The following BAIAP2 variants were observed in gnomAD, a reference collection of about 807,000 sequenced individuals.
The protein encoded by BAIAP2 is BAR/IMD domain-containing adapter protein 2.
In BAIAP2, 18 loss-of-function variants were observed where a neutral mutation model predicts 63.0. That is an observed-to-expected ratio of 0.29 (90% CI 0.20 to 0.42). The LOEUF is 0.42. Among genes scored for constraint, BAIAP2 ranks in the 10% least tolerant of loss-of-function variants. The pLI is 1.00. For missense variants in BAIAP2, 610 were observed against 734.3 expected (o/e 0.83, Z 1.96); for synonymous variants, 386 against 307.6 (o/e 1.25, Z -2.67).
intron 1 of BAIAP2, chr17:81,053,396 C>A: frequency 2.0e-6 from 1 of 489,030 alleles, no homozygotes. Flanking sequence ...TGCAAATGCG[C>A]TCCTTCAGCC....
At chr17:81,085,400 C>T in intron 4 of BAIAP2, 1 of 642,894 alleles carries the variant, frequency 1.6e-6, no homozygotes, top group Non-Finnish European at 2.9e-6. Context: ...GAGGGGATGG[C>T]CGTTTGTTTC....
chr17:81,114,390 C>T (rs1271493600), intron 13 of BAIAP2, among the ~76,000 whole-genome samples: 1 of 152,056 alleles, frequency 6.6e-6, no homozygotes, highest in Non-Finnish European at 1.5e-5. Context: ...AGGGCATGGG[C>T]AGACATCAGT....
intron 2 of BAIAP2, among the ~76,000 whole-genome samples, chr17:81,055,806 C>G (rs2049453801): frequency 6.6e-6 from 1 of 151,866 alleles, no homozygotes; most frequent in South Asian, 2.1e-4. Flanking sequence ...ACCTCGTGAT[C>G]CGCCCGCCTC....
At position 81,104,113 on chromosome 17, in the gene BAIAP2, G is replaced by A. The variant is rs1467258349; in HGVS notation, c.1066+5G>A. 6.2e-7 allele frequency: 1 copy of A among 1,612,964 alleles called. No homozygotes were observed. Among genetic ancestry groups the A allele is most frequent in the South Asian group, 1.1e-5 (1 of 91,078 alleles). On this transcript the variant is annotated splice_donor_5th_base_variant and intron_variant, in intron 9 of 13. Coordinates refer to ENST00000428708, the MANE Select transcript of BAIAP2 (RefSeq NM_001144888.2). ...CAAAAAACAGCTATGCCACCAGTAA[G>A]GGCTCCGCTGGGGTGTTGGGCTGGG... is the stretch of plus-strand genomic sequence containing the variant.
chr17:81,108,443 C>G, intron 12 of BAIAP2, 32 bp from the exon 13 acceptor site: 1 of 1,613,328 alleles, frequency 6.2e-7, no homozygotes, highest in Non-Finnish European at 8.5e-7. Context: ...GCCCCGTCAC[C>G]CGGCCTGACA....
At chr17:81,109,097 GTTGT>G in intron 13 of BAIAP2, 3 of 1,480,418 alleles carry the variant, frequency 2.0e-6, no homozygotes, top group South Asian at 1.3e-5. Context: ...TTGTTCTTGG[GTTGT>G]TTTTCTTTTC....
chr17:81,108,880 A>G, intron 13 of BAIAP2: 1 of 1,492,644 alleles, frequency 6.7e-7, no homozygotes, highest in Non-Finnish European at 9.0e-7. Flanking sequence ...AGCTGCTGAA[A>G]GGGGCATTGC....
intron 6 of BAIAP2, among the ~76,000 whole-genome samples, chr17:81,092,991 G>T (rs2057033853): frequency 6.6e-6 from 1 of 151,800 alleles, no homozygotes; most frequent in Non-Finnish European, 1.5e-5. Flanking sequence ...CACCGCTCGG[G>T]GGCAGGGAGC....
At chr17:81,111,679 C>T (rs984290487) in intron 13 of BAIAP2, among the ~76,000 whole-genome samples, 3 of 152,240 alleles carry the variant, frequency 2.0e-5, no homozygotes, top group Non-Finnish European at 2.9e-5. Context: ...CATTTCCTCA[C>T]GGGTTGAGTG....
In BAIAP2 at chr17:81,060,137, G is replaced by A. The variant is rs188982891; in HGVS notation, c.217+2170G>A. ...TCTGCAGAGGGCCAGCCACATGTCAGCCTTGCTCTGGGAGTCAGGTTTTCT... is the reference window on the plus strand; with the variant it reads ...TCTGCAGAGGGCCAGCCACATGTCAACCTTGCTCTGGGAGTCAGGTTTTCT... On this transcript the variant is annotated intron_variant, in intron 3 of 13. Coordinates refer to ENST00000428708, the MANE Select transcript of BAIAP2 (RefSeq NM_001144888.2). 3.1e-3 allele frequency among the ~76,000 whole-genome samples: 472 copies of A among 152,342 alleles called. 4 individuals carry two copies. Among genetic ancestry groups the A allele is most frequent in the Non-Finnish European group, 3.3e-3 (223 of 68,034 alleles).
chr17:81,042,142 C>CTTTTTTT (rs36029761), intron 1 of BAIAP2, among the ~76,000 whole-genome samples: 1 of 109,772 alleles, frequency 9.1e-6, no homozygotes, highest in Non-Finnish European at 1.9e-5. Context: ...TTTCTTTTTT[C>CTTTTTTT]TTTTTTTTTT....
chr17:81,047,808 G>A (rs1270283583), intron 1 of BAIAP2, among the ~76,000 whole-genome samples: 3 of 151,330 alleles, frequency 2.0e-5, no homozygotes, highest in Admixed American at 2.0e-4. Flanking sequence ...AGCACACACA[G>A]GGGTCCACAT....
chr17:81,080,744 C>T lies in BAIAP2; in HGVS notation c.218-4088C>T, dbSNP rs1007676607. 3.3e-5 allele frequency among the ~76,000 whole-genome samples: 5 copies of T among 152,076 alleles called. No homozygotes were observed. The South Asian group carries it at 8.3e-4, about 25-fold the overall frequency. On this transcript the variant is annotated intron_variant, in intron 3 of 13. Coordinates refer to ENST00000428708, the MANE Select transcript of BAIAP2 (RefSeq NM_001144888.2). ...TGCAGAATGTGGCGGGAACCAGGCA[C>T]GGTGCTGCATGCCTTTGCTCCCAGC...
At chr17:81,093,804 C>G (rs1212412543) in intron 6 of BAIAP2, among the ~76,000 whole-genome samples, 1 of 152,196 alleles carries the variant, frequency 6.6e-6, no homozygotes, top group East Asian at 1.9e-4. Flanking sequence ...CACCCTCGTT[C>G]AGATCTTCAG....
Position 81,057,987 on chromosome 17 carries a change from C to CCA in BAIAP2, c.217+21_217+22insAC. 1 of 1,149,230 alleles carries CCA rather than the reference C, an allele frequency of 8.7e-7. No homozygotes were observed. Among genetic ancestry groups the CCA allele is most frequent in the Non-Finnish European group, 1.1e-6 (1 of 870,132 alleles). The allele number at this position is 1,149,230 out of a possible 1,614,324, so 71.2% of individuals were successfully genotyped here. ...AACTCGGTGAGACCCCCCCCCCCCC[C>CCA]CCGCCTGGTAGTCGCCTGATGCCCT... is the stretch of plus-strand genomic sequence containing the variant. On this transcript the variant is annotated intron_variant, in intron 3 of 13. Transcript: ENST00000428708.
intron 3 of BAIAP2, among the ~76,000 whole-genome samples, chr17:81,067,305 G>T (rs1289970573): frequency 6.6e-6 from 1 of 152,222 alleles, no homozygotes; most frequent in Non-Finnish European, 1.5e-5. Context: ...GATCTTTCAG[G>T]CCCCCACCGC....
At chr17:81,079,254 G>T (rs971325675) in intron 3 of BAIAP2, among the ~76,000 whole-genome samples, 1 of 152,172 alleles carries the variant, frequency 6.6e-6, no homozygotes, top group African/African-American at 2.4e-5. Context: ...GCTGCGCTCA[G>T]ACCTGTCCAC....
rs559483175 is a variant in BAIAP2 at position 81,115,695 on chromosome 17, C to T, written c.1536-75C>T. On this transcript the variant is annotated intron_variant, in intron 13 of 13. Coordinates refer to ENST00000428708, the MANE Select transcript of BAIAP2 (RefSeq NM_001144888.2). The stretch of plus-strand genomic sequence containing the variant: ...ATCCAGCACTGGGGAATCCCTGGGG[C>T]ATCGGGCAGCCCAGGTGGCACAATT... The T allele has an allele frequency of 3.1e-4, 484 of 1,557,738 alleles. 5 individuals carry two copies. In the South Asian group the frequency reaches 5.2e-3, roughly 17 times the overall value.
At chr17:81,036,191 C>T (rs978572982) in intron 1 of BAIAP2, 2 of 152,220 alleles carry the variant, frequency 1.3e-5, no homozygotes, top group Non-Finnish European at 2.9e-5. Context: ...TCGGTCCAGA[C>T]CCCCACGCCT....
Sources: allele counts gnomAD v4.1 joint callset (sites outside exome capture counted in the v4.1 genomes callset), GRCh38; gene constraint gnomAD v4.1.1; transcripts MANE v1.5; gene names NCBI Gene and HGNC (gene_info 2026-07-23, HGNC 2026-07-21).